Variants in DPH6 observed in about 807,000 individuals in gnomAD.
DPH6 encodes diphthamine biosynthesis 6.
Under a neutral mutation model 38.2 loss-of-function variants are expected in DPH6, and 33 were observed. The ratio of observed to expected loss-of-function variants is 0.86; its 90% confidence interval spans 0.65 to 1.15. The LOEUF (loss-of-function observed/expected upper bound fraction) is 1.15. Ranked by LOEUF, DPH6 falls within the 50% of genes most tolerant of loss-of-function variation. The pLI is 0.00. For missense variants in DPH6, 325 were observed against 320.0 expected, an observed-to-expected ratio of 1.02 and a Z score of -0.12; for synonymous variants, 108 against 103.0, an observed-to-expected ratio of 1.05 and a Z score of -0.30.
At chr15:35,395,552 T>C (rs1466869800) in intron 6 of DPH6, among the ~76,000 whole-genome samples, 1 of 152,182 alleles carries the variant, frequency 6.6e-6, no homozygotes, top group Non-Finnish European at 1.5e-5. Context: ...CCAAATTTCT[T>C]TGTTGTCCTT....
chr15:35,481,294 GGGGATTTCAACAGTC>G (rs1291911835), intron 3 of DPH6, among the ~76,000 whole-genome samples: 1 of 152,114 alleles, frequency 6.6e-6, no homozygotes, highest in African/African-American at 2.4e-5. Context: ...CCTGCACTGT[GGGGATTTCAACAGTC>G]TGTCAAAAAC....
chr15:35,184,185 A>G, the DPH6 span, among the ~76,000 whole-genome samples: 1 of 152,178 alleles, frequency 6.6e-6, no homozygotes, highest in Non-Finnish European at 1.5e-5. Flanking sequence ...AGCTGATGCT[A>G]TATGTTTGTT....
At chr15:35,372,334 G>A in intron 8 of DPH6, 131 bp from the exon 9 acceptor site, 1 of 765,308 alleles carries the variant, frequency 1.3e-6, no homozygotes, top group African/African-American at 1.8e-5. Flanking sequence ...TCAGGTAACA[G>A]TATTGCTTCT....
intron 3 of DPH6, among the ~76,000 whole-genome samples, chr15:35,306,783 G>A (rs1161021910): frequency 1.3e-5 from 2 of 152,108 alleles, no homozygotes; most frequent in African/African-American, 2.4e-5. Flanking sequence ...AGGTCACTAT[G>A]GTTTCCAGAA....
At chr15:35,293,104 C>T (rs572671500) in intron 3 of DPH6, among the ~76,000 whole-genome samples, 10 of 152,220 alleles carry the variant, frequency 6.6e-5, no homozygotes, top group African/African-American at 2.4e-4. Context: ...GCATAGAGAG[C>T]ACACATTTTA....
intron 3 of DPH6, among the ~76,000 whole-genome samples, chr15:35,333,012 T>C (rs769809840): frequency 1.7e-4 from 26 of 151,474 alleles, no homozygotes; most frequent in Middle Eastern, 3.4e-3. Flanking sequence ...TGAGCAGTTA[T>C]CCATACACAG....
intron 3 of DPH6, among the ~76,000 whole-genome samples, chr15:35,505,199 T>C (rs566722857): frequency 3.9e-5 from 6 of 152,248 alleles, no homozygotes; most frequent in East Asian, 3.9e-4. Flanking sequence ...GTGTGGGAAG[T>C]GCATTGCTCA....
chr15:35,281,506 C>A (rs1326368150), intron 3 of DPH6, among the ~76,000 whole-genome samples: 1 of 152,092 alleles, frequency 6.6e-6, no homozygotes, highest in African/African-American at 2.4e-5. Flanking sequence ...CAAAAGGAGA[C>A]ATGACTTTTG....
At position 35,276,930 on chromosome 15, in the gene DPH6, A is replaced by G. The variant is rs1389477479; in HGVS notation, n.201-56348T>C. ...TATGTGGGCTCTTTTTTGGTTCCAT[A>G]TGAATTTTAGGATTTTTTTTCTGAT... On this transcript the variant is annotated intron_variant and non_coding_transcript_variant, in intron 3 of 3. Transcript: ENST00000560386. Among the ~76,000 whole-genome samples the G allele has an allele frequency of 3.9e-5, 6 of 152,208 alleles. No individual in the cohort carries two copies. In the East Asian group the frequency reaches 5.8e-4, roughly 15 times the overall value.
intron 3 of DPH6, among the ~76,000 whole-genome samples, chr15:35,349,095 A>C (rs190868364): frequency 6.6e-6 from 1 of 152,206 alleles, no homozygotes; most frequent in Admixed American, 6.5e-5. Context: ...AGATTATGTC[A>C]TTTGTGAACA....
chr15:35,329,019 A>T (rs1217258400), downstream of DPH6, among the ~76,000 whole-genome samples: 1 of 152,174 alleles, frequency 6.6e-6, no homozygotes, highest in East Asian at 1.9e-4. Flanking sequence ...TACGCGGGAA[A>T]CTGCCCCCAT....
At chr15:35,146,640 A>G in the DPH6 span, among the ~76,000 whole-genome samples, 1 of 152,068 alleles carries the variant, frequency 6.6e-6, no homozygotes, top group Non-Finnish European at 1.5e-5. Context: ...TAGAATAATC[A>G]TGTTGATCTG....
rs113177119 is a variant in DPH6 at position 35,258,699 on chromosome 15, C to T, written n.201-38117G>A. Among the ~76,000 whole-genome samples the T allele has an allele frequency of 5.1e-3, 768 of 152,070 alleles. 9 individuals carry two copies. The highest frequency in any genetic ancestry group is 0.012 in the African/African-American group (490 of 41,494). ...TTGAAACATGCTCACTTTTTTTGGGCCAATACTTGAACATTTATCCTTTAT... is the reference window on the plus strand; with the variant it reads ...TTGAAACATGCTCACTTTTTTTGGGTCAATACTTGAACATTTATCCTTTAT... On this transcript the variant is annotated intron_variant and non_coding_transcript_variant, in intron 3 of 3. Coordinates refer to the DPH6 transcript ENST00000560386.
chr15:35,379,695 T>G (rs1355665729), intron 7 of DPH6, among the ~76,000 whole-genome samples: 1 of 152,200 alleles, frequency 6.6e-6, no homozygotes, highest in African/African-American at 2.4e-5. Flanking sequence ...ATCCTTTTTC[T>G]GCCAAATGAG....
At chr15:35,431,735 T>A (rs897666176) in intron 5 of DPH6, among the ~76,000 whole-genome samples, 1 of 151,196 alleles carries the variant, frequency 6.6e-6, no homozygotes, top group African/African-American at 2.4e-5. Context: ...TTAATTATCA[T>A]AAAAAGCAGA....
chr15:35,320,505 C>T (rs1235350393), intron 3 of DPH6, among the ~76,000 whole-genome samples: 6 of 152,138 alleles, frequency 3.9e-5, no homozygotes, highest in African/African-American at 7.2e-5. Flanking sequence ...GGCTTTATCC[C>T]GTATGTAAGA....
chr15:35,416,366 T>C (rs2053436494), intron 5 of DPH6, among the ~76,000 whole-genome samples: 1 of 152,062 alleles, frequency 6.6e-6, no homozygotes, highest in Non-Finnish European at 1.5e-5. Context: ...TAAAACATAT[T>C]TTTCAGAGGT....
At chr15:35,230,061 G>A (rs182436935) in intron 3 of DPH6, among the ~76,000 whole-genome samples, 4 of 152,274 alleles carry the variant, frequency 2.6e-5, no homozygotes, top group East Asian at 1.9e-4. Context: ...ATGGTCACTC[G>A]AAGCCCTGGG....
chr15:35,323,764 C>G (rs1308068038), intron 3 of DPH6, among the ~76,000 whole-genome samples: 1 of 152,140 alleles, frequency 6.6e-6, no homozygotes, highest in Non-Finnish European at 1.5e-5. Context: ...AAATGCAGCA[C>G]AAGAATTCAT....
Sources: allele counts gnomAD v4.1 joint callset (sites outside exome capture counted in the v4.1 genomes callset), GRCh38; gene constraint gnomAD v4.1.1; transcripts MANE v1.5; gene names NCBI Gene and HGNC (gene_info 2026-07-23, HGNC 2026-07-21).